MDGA2: variants seen among roughly 807,000 people sequenced by gnomAD.
The protein encoded by MDGA2 is MAM domain containing glycosylphosphatidylinositol anchor 2.
A neutral mutation model predicts 117.8 loss-of-function variants in MDGA2; 40 were observed. The observed-to-expected ratio is 0.34, with a 90% CI of 0.26 to 0.44. The LOEUF is 0.44. Ranked by LOEUF, MDGA2 falls within the 20% of genes least tolerant of loss-of-function variation. MDGA2 has a pLI of 1.00. For missense variants in MDGA2, 1,123 were observed against 1,250.6 expected, an observed-to-expected ratio of 0.90 and a Z score of 1.54; for synonymous variants, 452 against 439.0, an observed-to-expected ratio of 1.03 and a Z score of -0.37.
chr14:47,246,493 T>C (rs908864248), intron 2 of MDGA2, among the ~76,000 whole-genome samples: 32 of 151,840 alleles, frequency 2.1e-4, no homozygotes, highest in African/African-American at 6.7e-4. Flanking sequence ...AGGTACTGTA[T>C]GCATACCTAC....
chr14:47,206,060 T>C (rs538904265), intron 3 of MDGA2, among the ~76,000 whole-genome samples: 5 of 152,100 alleles, frequency 3.3e-5, no homozygotes, highest in Non-Finnish European at 7.4e-5. Flanking sequence ...CTGCTGTTCA[T>C]AGAAAAAAGA....
chr14:47,127,037 G>T (rs931685922), intron 5 of MDGA2, among the ~76,000 whole-genome samples: 1 of 152,072 alleles, frequency 6.6e-6, no homozygotes, highest in African/African-American at 2.4e-5. Flanking sequence ...TTCATTGAAA[G>T]AATAATTTCT....
chr14:47,246,471 G>A (rs764929584), intron 2 of MDGA2, among the ~76,000 whole-genome samples: 5 of 151,688 alleles, frequency 3.3e-5, no homozygotes, highest in Admixed American at 1.3e-4. Flanking sequence ...CAAAATGCTC[G>A]TGTATTAGAA....
At chr14:47,161,773 T>C (rs368474677) in intron 3 of MDGA2, among the ~76,000 whole-genome samples, 2 of 151,788 alleles carry the variant, frequency 1.3e-5, no homozygotes, top group African/African-American at 4.8e-5. Flanking sequence ...TTTTCTCTCC[T>C]GCCAACCTCA....
chr14:46,969,244 T>C (rs558359307), intron 8 of MDGA2, among the ~76,000 whole-genome samples: 1 of 152,358 alleles, frequency 6.6e-6, no homozygotes, highest in Admixed American at 6.5e-5. Flanking sequence ...GCATGATTTA[T>C]ATTCCTTTGG....
chr14:47,609,348 G>T (rs538896152), intron 1 of MDGA2, among the ~76,000 whole-genome samples: 7 of 142,792 alleles, frequency 4.9e-5, no homozygotes, highest in Non-Finnish European at 1.1e-4. Context: ...ACTTCACATA[G>T]AATAATAGTC....
chr14:46,924,325 A>T (rs1445852835), intron 9 of MDGA2, among the ~76,000 whole-genome samples: 1 of 152,086 alleles, frequency 6.6e-6, no homozygotes, highest in Non-Finnish European at 1.5e-5. Flanking sequence ...AACATAAATT[A>T]AAAACAATTA....
intron 1 of MDGA2, among the ~76,000 whole-genome samples, chr14:47,644,590 TG>T (rs2138253802): frequency 6.6e-6 from 1 of 151,998 alleles, no homozygotes; most frequent in South Asian, 2.1e-4. Flanking sequence ...GATTGATCCA[TG>T]GGTATAAAAT....
chr14:47,653,580 G>C (rs1300595833), intron 1 of MDGA2, among the ~76,000 whole-genome samples: 3 of 152,096 alleles, frequency 2.0e-5, no homozygotes, highest in Non-Finnish European at 4.4e-5. Context: ...GCCAAAAGAA[G>C]TTCACATCCT....
chr14:47,272,714 T>C (rs547977496), intron 2 of MDGA2, among the ~76,000 whole-genome samples: 19 of 152,314 alleles, frequency 1.2e-4, no homozygotes, highest in African/African-American at 4.6e-4. Context: ...ATTGACACTT[T>C]AAATATTATT....
chr14:47,301,399 T>C lies in MDGA2; in HGVS notation c.420+12A>G. 6.4e-7 allele frequency: 1 copy of C among 1,551,554 alleles called. No individual in the cohort carries two copies. Among genetic ancestry groups the C allele is most frequent in the African/African-American group, 1.4e-5 (1 of 73,160 alleles). On this transcript the variant is annotated intron_variant, in intron 2 of 16. Coordinates refer to ENST00000399232, the MANE Select transcript of MDGA2 (RefSeq NM_001113498.3). ...GAGAATGTTTTCTCCAGTGTCACAG[T>C]TCGGGACTCACCTGTGGACGTGGAT...
At chr14:47,335,778 TTG>T (rs1350346213) in intron 1 of MDGA2, among the ~76,000 whole-genome samples, 10 of 76,764 alleles carry the variant, frequency 1.3e-4, no homozygotes, top group Admixed American at 2.3e-4. Context: ...ACTCTGGCTG[TTG>T]TGTTGAAAAT....
At chr14:47,237,357 G>A (rs1398071519) in intron 2 of MDGA2, among the ~76,000 whole-genome samples, 2 of 152,128 alleles carry the variant, frequency 1.3e-5, no homozygotes, top group Non-Finnish European at 2.9e-5. Context: ...CCCAGGCCTT[G>A]CCCTTAATGC....
At chr14:47,390,715 A>T (rs1490741689) in intron 1 of MDGA2, among the ~76,000 whole-genome samples, 1 of 152,136 alleles carries the variant, frequency 6.6e-6, no homozygotes, top group South Asian at 2.1e-4. Flanking sequence ...ATGCTTATTC[A>T]ATAATTAAAC....
At chr14:46,907,999 G>T (rs3007113) in intron 10 of MDGA2, among the ~76,000 whole-genome samples, 110,543 of 152,050 alleles carry the variant, frequency 0.73, 41,233 homozygotes, top group East Asian at 1. Flanking sequence ...AAAAAGAGTT[G>T]CAGGCACCAT....
At chr14:47,242,693 G>A (rs947859146) in intron 2 of MDGA2, among the ~76,000 whole-genome samples, 4 of 151,792 alleles carry the variant, frequency 2.6e-5, no homozygotes, top group African/African-American at 7.2e-5. Context: ...GGCAGTGCTC[G>A]GGACCTGCAG....
chr14:47,260,201 A>G (rs1887750088), intron 2 of MDGA2, among the ~76,000 whole-genome samples: 1 of 152,130 alleles, frequency 6.6e-6, no homozygotes, highest in South Asian at 2.1e-4. Context: ...TCCAGATGAG[A>G]GCAATGAATC....
chr14:47,165,975 C>T (rs1243817836), intron 3 of MDGA2, among the ~76,000 whole-genome samples: 1 of 151,138 alleles, frequency 6.6e-6, no homozygotes, highest in Admixed American at 6.6e-5. Context: ...GGCTCATATA[C>T]ACCTATACAC....
chr14:47,099,149 A>C (rs1880154815), intron 5 of MDGA2, among the ~76,000 whole-genome samples: 1 of 151,960 alleles, frequency 6.6e-6, no homozygotes, highest in Non-Finnish European at 1.5e-5. Context: ...CAAAACAGCT[A>C]ACAATTTCAA....
Sources: gnomAD v4.1 joint callset for allele counts (sites outside exome capture counted in the v4.1 genomes callset) on GRCh38, gnomAD v4.1.1 for gene constraint, MANE v1.5 for transcripts, NCBI Gene and HGNC (gene_info 2026-07-23, HGNC 2026-07-21) for gene names.